The following SALL1 variants were observed in gnomAD, a reference collection of about 807,000 sequenced individuals.
SALL1 encodes the protein spalt like transcription factor 1.
SALL1 carries 10 observed loss-of-function variants against 73.1 expected under a neutral mutation model. The ratio of observed to expected loss-of-function variants is 0.14; its 90% CI spans 0.08 to 0.23. SALL1 has a LOEUF of 0.23. SALL1 is among the 10% of genes least tolerant of loss of function. The pLI is 1.00. For synonymous variants in SALL1, 688 were observed against 689.8 expected, an observed-to-expected ratio of 1.00 and a Z score of 0.04; for missense variants, 1,520 against 1,697.3, an observed-to-expected ratio of 0.90 and a Z score of 1.84.
At position 51,139,300 on chromosome 16, in the gene SALL1, A is replaced by C; in HGVS notation, c.2922T>G (p.Ser974=). 1 of 1,614,168 alleles carries C rather than the reference A, an allele frequency of 6.2e-7. No individual in the cohort carries two copies. Among genetic ancestry groups the C allele is most frequent in the Non-Finnish European group, 8.5e-7 (1 of 1,180,032 alleles). Residue 974 remains serine, a synonymous_variant, in exon 2 of 3, where the codon TCT becomes TCG. Transcript: ENST00000251020. ...PVNGGALDLT[S]SHAEKIIKED... is the part of the protein sequence containing the mutation. ...CTTTGATGATTTTCTCTGCGTGACT[A>C]GATGTCAAATCCAAAGCCCCACCAT...
Position 51,139,282 on chromosome 16 carries a change from G to C in SALL1, c.2940C>G (p.Ile980Met). 6.2e-7 allele frequency: 1 copy of C among 1,614,128 alleles called. No individual in the cohort carries two copies. The highest frequency in any genetic ancestry group is 8.5e-7 in the Non-Finnish European group (1 of 1,180,024). The change falls in exon 2 of 3, where the codon ATC becomes ATG. Residue 980 changes from isoleucine to methionine, a missense_variant. Physicochemically the swap from Ile to Met is conservative, Grantham distance 10. Around this residue, in one of 7 missense-constraint regions of SALL1, gnomAD observed 266 missense variants for 275.1 expected, o/e 0.97. Transcript: ENST00000251020. ...GGATCCCCAAAGAATCTTCTTTGATGATTTTCTCTGCGTGACTAGATGTCA... is the reference window on the plus strand; with the variant it reads ...GGATCCCCAAAGAATCTTCTTTGATCATTTTCTCTGCGTGACTAGATGTCA... ...LDLTSSHAEK[I>M]IKEDSLGILF... is the part of the protein sequence containing the mutation.
At position 51,137,177 on chromosome 16, in the gene SALL1, C is replaced by T. The variant is rs1277428900; in HGVS notation, c.3910G>A (p.Glu1304Lys). ...LAGLEKMASS[E>K]NGTNFRFTRF... The stretch of plus-strand genomic sequence containing the variant: ...GTGAAGCGGAAGTTGGTTCCGTTCT[C>T]ACTGCTTGCCATTTTCTCCAGGCCG... Residue 1304 changes from glutamate to lysine, a missense_variant, in exon 3 of 3, where the codon GAG (glutamate) becomes AAG (lysine). Glu to Lys is a moderately conservative substitution (Grantham distance 56). This residue lies in a region of SALL1 where 318 missense variants were observed against 357.1 expected (regional missense o/e 0.89). Transcript: ENST00000251020. 6.2e-7 allele frequency: 1 copy of T among 1,614,012 alleles called. No individual in the cohort carries two copies. The highest frequency in any genetic ancestry group is 2.2e-5 in the East Asian group (1 of 44,876).
intron 1 of SALL1, among the ~76,000 whole-genome samples, chr16:51,148,310 C>T (rs1212690231): frequency 6.6e-6 from 1 of 152,198 alleles, no homozygotes; most frequent in Non-Finnish European, 1.5e-5. Context: ...TTTAGGGCTC[C>T]TGTAACTTAG....
At chr16:51,151,810 C>T (rs923991418), upstream of SALL1, among the ~76,000 whole-genome samples, 1 of 151,340 alleles carries the variant, frequency 6.6e-6, no homozygotes, top group Non-Finnish European at 1.5e-5. Flanking sequence ...TTGAGCCGCC[C>T]CGGGTGGGGG....
At position 51,137,031 on chromosome 16, in the gene SALL1, G is replaced by C. The variant is rs1350400872; in HGVS notation, c.*81C>G. The C allele has an allele frequency of 1.6e-6, 2 of 1,257,006 alleles. No homozygotes were observed. The highest frequency in any genetic ancestry group is 2.9e-5 in the African/African-American group (2 of 68,030). 77.9% of individuals were successfully genotyped at this position (1,257,006 alleles called of 1,614,324 possible). Reference sequence around the variant, plus strand: ...GGGAACAGAAGGAAGGGGCGGGGCGGGGTGGGGGGCAAGGAGTAGGAGGCC... The same window carrying C: ...GGGAACAGAAGGAAGGGGCGGGGCGCGGTGGGGGGCAAGGAGTAGGAGGCC... On this transcript the variant is annotated 3_prime_UTR_variant, in exon 3 of 3. Coordinates refer to ENST00000251020, the MANE Select transcript of SALL1 (RefSeq NM_002968.3).
chr16:51,151,103 G>A, intron 1 of SALL1, 63 bp downstream of exon 1: 1 of 1,278,644 alleles, frequency 7.8e-7, no homozygotes, highest in Non-Finnish European at 1.1e-6. Context: ...GTGTGAGTGG[G>A]TCCGAGTGTG....
chr16:51,140,985 C>T lies in SALL1; in HGVS notation c.1237G>A (p.Ala413Thr). The change falls in exon 2 of 3, where the codon GCA (alanine) becomes ACA (threonine). Residue 413 changes from alanine (A) to threonine (T), a missense_variant. By Grantham distance (58) the Ala-to-Thr change is moderately conservative. Coordinates refer to ENST00000251020, the MANE Select transcript of SALL1 (RefSeq NM_002968.3). This position sits in a 1 kb window ranked among gnomAD's most constrained non-coding sequence, Gnocchi z 5.7. ...GCAGACAAGGAGTTTAAATCCTCTG[C>T]AGTTGTTCCGATGTTGGGCAAAGGG... ...PSPLPNIGTT[A>T]EDLNSLSALA... The T allele has an allele frequency of 6.2e-7, 1 of 1,614,210 alleles. No homozygotes were observed. The highest frequency in any genetic ancestry group is 1.3e-5 in the African/African-American group (1 of 75,040).
Position 51,150,377 on chromosome 16 carries a change from C to T in SALL1, c.76+789G>A, listed in dbSNP as rs1219406655. ...ACCACGATCCGCAGAGGGCGCATACCGACCAGAAAGATTTTGGGGGGCAGA... is the reference window on the plus strand; with the variant it reads ...ACCACGATCCGCAGAGGGCGCATACTGACCAGAAAGATTTTGGGGGGCAGA... On this transcript the variant is annotated intron_variant, in intron 1 of 2. Transcript: ENST00000251020. 3 of 984,646 alleles carry T rather than the reference C, an allele frequency of 3.0e-6. No individual in the cohort carries two copies. The African/African-American group carries it at 5.2e-5, about 17-fold the overall frequency. 61.0% of individuals were successfully genotyped at this position (984,646 alleles called of 1,614,324 possible). A position where few individuals can be genotyped will look rare whatever the true frequency, so the allele number is the denominator to read the frequency against.
chr16:51,152,329 G>C (rs1223003427), upstream of SALL1, among the ~76,000 whole-genome samples: 7 of 152,180 alleles, frequency 4.6e-5, no homozygotes, highest in African/African-American at 1.7e-4. Flanking sequence ...TAGGGCTGAA[G>C]TTTTCGGGAG....
chr16:51,147,780 A>AACACACACACACACACACACACACAC (rs145285801), intron 1 of SALL1, among the ~76,000 whole-genome samples: 18 of 146,204 alleles, frequency 1.2e-4, no homozygotes, highest in Non-Finnish European at 7.5e-5. Flanking sequence ...GAAGAACTCC[A>AACACACACACACACACACACACACAC]ACACACACAC....
intron 1 of SALL1, among the ~76,000 whole-genome samples, chr16:51,146,760 T>G (rs184813055): frequency 6.6e-6 from 1 of 152,338 alleles, no homozygotes; most frequent in African/African-American, 2.4e-5. Context: ...TAGCAAAGGT[T>G]AAAACAGCTT....
In SALL1 at chr16:51,137,366, G is replaced by A. The variant is rs773317156; in HGVS notation, c.3721C>T (p.Leu1241Phe). The A allele has an allele frequency of 6.2e-7, 1 of 1,614,174 alleles. No homozygotes were observed. The highest frequency in any genetic ancestry group is 1.7e-5 in the Admixed American group (1 of 60,028). The change falls in exon 3 of 3, where the codon CTC (leucine) becomes TTC (phenylalanine). Residue 1241 changes from leucine to phenylalanine, a missense_variant. By Grantham distance (22) the Leu-to-Phe change is conservative (BLOSUM62 0). Coordinates refer to ENST00000251020, the MANE Select transcript of SALL1 (RefSeq NM_002968.3). Reference sequence around the variant, plus strand: ...GCCTTCATCGCCAGCCCGTTGGAGAGCGCTGCTGCATACTGATTCCAGAAG... The same window carrying A: ...GCCTTCATCGCCAGCCCGTTGGAGAACGCTGCTGCATACTGATTCCAGAAG... The part of the protein sequence containing the change: ...SSFWNQYAAA[L>F]SNGLAMKANE...
rs374153597 is a variant in SALL1 at position 51,140,895 on chromosome 16, C to T, written c.1327G>A (p.Asp443Asn). 72 of 1,614,186 alleles carry T rather than the reference C, an allele frequency of 4.5e-5. No individual in the cohort carries two copies. The African/African-American group carries it at 6.0e-4, about 13-fold the overall frequency. ...VTAFEAKSTSDEAFFKHKCRF... is the reference protein window; with the variant it reads ...VTAFEAKSTSNEAFFKHKCRF... ...CACTTGTGTTTGAAGAATGCCTCAT[C>T]GGAAGTACTTTTCGCTTCAAAGGCA... The change falls in exon 2 of 3, where the codon GAT becomes AAT. Residue 443 changes from aspartate (D) to asparagine (N), a missense_variant. This residue lies in a region of SALL1 where 540 missense variants were observed against 567.5 expected (regional missense o/e 0.95). Coordinates refer to ENST00000251020, the MANE Select transcript of SALL1 (RefSeq NM_002968.3). This position sits in a 1 kb window ranked among gnomAD's most constrained non-coding sequence, Gnocchi z 5.7.
In SALL1 at chr16:51,142,118, C is replaced by A. The variant is rs754846300; in HGVS notation, c.104G>T (p.Arg35Leu). ...DGDTEKGQPS[R>L]PTKSKDAHVC... ...GTGGGCATCCTTGCTCTTAGTAGGG[C>A]GACTCGGTTGACCCTTTTCTGTGTC... Residue 35 changes from arginine to leucine, a missense_variant, in exon 2 of 3, where the codon CGC (arginine) becomes CTC (leucine). Arg to Leu is a moderately radical substitution (Grantham distance 102). Transcript: ENST00000251020. The A allele has an allele frequency of 6.2e-6, 10 of 1,613,118 alleles. No individual in the cohort carries two copies. Among genetic ancestry groups the A allele is most frequent in the Middle Eastern group, 1.6e-4 (1 of 6,066 alleles).
At position 51,141,121 on chromosome 16, in the gene SALL1, G is replaced by T; in HGVS notation, c.1101C>A (p.Asn367Lys). 6.2e-7 allele frequency: 1 copy of T among 1,614,230 alleles called. No individual in the cohort carries two copies. Among genetic ancestry groups the T allele is most frequent in the Non-Finnish European group, 8.5e-7 (1 of 1,180,046 alleles). Residue 367 changes from asparagine to lysine, a missense_variant, in exon 2 of 3, where the codon AAC (asparagine) becomes AAA (lysine). Physicochemically the swap from Asn to Lys is moderately conservative, Grantham distance 94. Coordinates refer to ENST00000251020, the MANE Select transcript of SALL1 (RefSeq NM_002968.3). This position sits in a 1 kb window ranked among gnomAD's most constrained non-coding sequence, Gnocchi z 5.4. Reference sequence around the variant, plus strand: ...GTGAGGACGATGATGAGACCGCTGGGTTGCTGACATGGGAGGCCCCAGCAC... The same window carrying T: ...GTGAGGACGATGATGAGACCGCTGGTTTGCTGACATGGGAGGCCCCAGCAC... ...ASSAGASHVS[N>K]PAVSSSSSPA... is the part of the protein sequence containing the mutation.
chr16:51,137,796 C>T (rs1962340803), intron 2 of SALL1, among the ~76,000 whole-genome samples: 1 of 152,198 alleles, frequency 6.6e-6, no homozygotes, highest in Admixed American at 6.5e-5. Context: ...TCTTCCAAGG[C>T]AAGGATGCCT....
Position 51,138,707 on chromosome 16 carries a change from G to A in SALL1, c.3515C>T (p.Thr1172Met), listed in dbSNP as rs769014673. The part of the protein sequence containing the change: ...FACTICGRAF[T>M]TKGNLKVHMG... The stretch of plus-strand genomic sequence containing the variant: ...AGGTACCTTAAGATTGCCTTTAGTC[G>A]TGAAAGCTCTTCCACAAATAGTGCA... Residue 1172 changes from threonine to methionine, a missense_variant, in exon 2 of 3, where the codon ACG (threonine) becomes ATG (methionine). Physicochemically the swap from Thr to Met is moderately conservative, Grantham distance 81. Transcript: ENST00000251020. 5 of 1,613,588 alleles carry A rather than the reference G, an allele frequency of 3.1e-6. No individual in the cohort carries two copies. Among genetic ancestry groups the A allele is most frequent in the Non-Finnish European group, 3.4e-6 (4 of 1,179,670 alleles).
intron 2 of SALL1, 54 bp from the exon 3 acceptor site, chr16:51,137,606 AGGAGGGG>A: frequency 2.1e-6 from 3 of 1,396,128 alleles, no homozygotes; most frequent in Non-Finnish European, 3.0e-6. Flanking sequence ...GAAAAAAAAG[AGGAGGGG>A]GAGAGAAGCT....
intron 1 of SALL1, among the ~76,000 whole-genome samples, chr16:51,148,828 A>C (rs1321288447): frequency 6.6e-6 from 1 of 152,184 alleles, no homozygotes; most frequent in Non-Finnish European, 1.5e-5. Context: ...AACTTCTCCC[A>C]AACTTATTGT....
Sources: gnomAD v4.1 joint callset for allele counts (sites outside exome capture counted in the v4.1 genomes callset) on GRCh38, gnomAD v4.1.1 for gene constraint, gnomAD v4.1.1 regional missense constraint, Gnocchi (gnomAD v3.1) non-coding constraint, MANE v1.5 for transcripts, NCBI Gene and HGNC (gene_info 2026-07-23, HGNC 2026-07-21) for gene names.